WFIKKN2: variants seen among roughly 807,000 people sequenced by gnomAD.
WFIKKN2 encodes WAP, Kazal, immunoglobulin, Kunitz and NTR domain-containing protein 2.
A neutral mutation model predicts 39.2 loss-of-function variants in WFIKKN2; 25 were observed. The ratio of observed to expected loss-of-function variants is 0.64; its 90% CI spans 0.47 to 0.89. The LOEUF (loss-of-function observed/expected upper bound fraction) is 0.89. Among genes scored for constraint, WFIKKN2 ranks in the 40% least tolerant of loss-of-function variants. The pLI is 0.00. For synonymous variants in WFIKKN2, 345 were observed against 329.7 expected, an observed-to-expected ratio of 1.05 and a Z score of -0.50; for missense variants, 770 against 811.7, an observed-to-expected ratio of 0.95 and a Z score of 0.62.
chr17:50,835,907 G>T lies in WFIKKN2; in HGVS notation c.-31G>T. The T allele has an allele frequency of 6.3e-7, 1 of 1,599,328 alleles. No individual in the cohort carries two copies. Among genetic ancestry groups the T allele is most frequent in the Non-Finnish European group, 8.5e-7 (1 of 1,171,530 alleles). On this transcript the variant is annotated 5_prime_UTR_variant, in exon 1 of 2. The change creates a new upstream start codon in the 5' untranslated region. Transcript: ENST00000311378. ...GGCCCCAGACCCTGGCATCGTTTCAGGGGAGGTCTCTAGCCGCCCCAGCCT... is the reference window on the plus strand; with the variant it reads ...GGCCCCAGACCCTGGCATCGTTTCATGGGAGGTCTCTAGCCGCCCCAGCCT...
Position 50,835,716 on chromosome 17 carries a change from C to T in WFIKKN2, c.-222C>T, listed in dbSNP as rs1480708971. ...CTCCCTGCACACTCAGGAGAGGGAG[C>T]TTCCTTCTAAAGACCTTTCTTTTAT... On this transcript the variant is annotated 5_prime_UTR_variant, in exon 1 of 2. Coordinates refer to ENST00000311378, the MANE Select transcript of WFIKKN2 (RefSeq NM_175575.6). 3 of 577,404 alleles carry T rather than the reference C, an allele frequency of 5.2e-6. No individual in the cohort carries two copies. Among genetic ancestry groups the T allele is most frequent in the Non-Finnish European group, 9.1e-6 (3 of 330,320 alleles). 35.8% of individuals were successfully genotyped at this position (577,404 alleles called of 1,614,324 possible).
chr17:50,839,553 G>A lies in WFIKKN2; in HGVS notation c.265G>A (p.Val89Met), dbSNP rs796276301. ...CPNVCGTKSC[V>M]AARYMDVKGK... is the part of the protein sequence containing the mutation. ...CAACGTATGTGGGACCAAGAGCTGC[G>A]TGGCGGCCCGCTACATGGACGTGAA... is the stretch of plus-strand genomic sequence containing the variant. The change falls in exon 2 of 2, where the codon GTG becomes ATG. Residue 89 changes from valine (V) to methionine (M), a missense_variant. Val to Met is a conservative substitution (Grantham distance 21, BLOSUM62 1). Transcript: ENST00000311378. 7 of 1,614,140 alleles carry A rather than the reference G, an allele frequency of 4.3e-6. No individual in the cohort carries two copies. Among genetic ancestry groups the A allele is most frequent in the East Asian group, 2.2e-5 (1 of 44,870 alleles).
Position 50,840,367 on chromosome 17 carries a change from A to G in WFIKKN2, c.1079A>G (p.His360Arg). 1.2e-6 allele frequency: 2 copies of G among 1,614,116 alleles called. No individual in the cohort carries two copies. Among genetic ancestry groups the G allele is most frequent in the South Asian group, 1.1e-5 (1 of 91,086 alleles). The change falls in exon 2 of 2, where the codon CAC becomes CGC. Residue 360 changes from histidine (H) to arginine (R), a missense_variant. Physicochemically the swap from His to Arg is conservative, Grantham distance 29. Transcript: ENST00000311378. Reference protein sequence around the residue: ...ANNCLTFTFGHCHRNLNHFET... With the variant: ...ANNCLTFTFGRCHRNLNHFET... ...AACTGCCTGACCTTCACCTTCGGCC[A>G]CTGCCACCGTAACCTCAACCACTTT...
At position 50,839,942 on chromosome 17, in the gene WFIKKN2, C is replaced by G; in HGVS notation, c.654C>G (p.His218Gln). 2 of 1,614,166 alleles carry G rather than the reference C, an allele frequency of 1.2e-6. No homozygotes were observed. Among genetic ancestry groups the G allele is most frequent in the Non-Finnish European group, 1.7e-6 (2 of 1,179,990 alleles). Residue 218 changes from histidine (H) to glutamine (Q), a missense_variant, in exon 2 of 2, where the codon CAC becomes CAG. By Grantham distance (24) the His-to-Gln change is conservative. Transcript: ENST00000311378. The part of the protein sequence containing the change: ...AAPALLNNPV[H>Q]QSVTMGETVS... ...CTGCGCTGCTCAACAACCCTGTGCACCAGTCGGTCACCATGGGTGAGACAG... is the reference window on the plus strand; with the variant it reads ...CTGCGCTGCTCAACAACCCTGTGCAGCAGTCGGTCACCATGGGTGAGACAG...
rs1392063315 is a variant in WFIKKN2 at position 50,840,986 on chromosome 17, T to A, written c.1698T>A (p.Cys566Ter). 3.2e-6 allele frequency: 5 copies of A among 1,550,282 alleles called. No homozygotes were observed. Among genetic ancestry groups the A allele is most frequent in the Non-Finnish European group, 3.5e-6 (4 of 1,146,360 alleles). ...GTGAGGTCATGCACAAGAAGACCTG[T>A]GACGTCCTCAAGGAGTTTCTTGGCT... Reference protein sequence around the residue: ...KLREVMHKKTCDVLKEFLGLH With the variant: ...KLREVMHKKT Residue 566 changes from cysteine (C) to a stop codon, truncating the protein, a stop_gained, in exon 2 of 2, where the codon TGT becomes TGA. Coordinates refer to ENST00000311378, the MANE Select transcript of WFIKKN2 (RefSeq NM_175575.6). LOFTEE classifies it high-confidence loss of function.
At chr17:50,839,386 C>A in intron 1 of WFIKKN2, 113 bp from the exon 2 acceptor site, 1 of 994,962 alleles carries the variant, frequency 1.0e-6, no homozygotes, top group Non-Finnish European at 1.5e-6. Flanking sequence ...TGTTTTGCTC[C>A]CACTAGATGG....
chr17:50,838,646 C>G (rs1004837983), intron 1 of WFIKKN2, among the ~76,000 whole-genome samples: 4 of 152,238 alleles, frequency 2.6e-5, no homozygotes, highest in African/African-American at 9.7e-5. Flanking sequence ...GACGGCCTTG[C>G]TGACCTTTGC....
In WFIKKN2 at chr17:50,835,950, A is replaced by G; in HGVS notation, c.13A>G (p.Arg5Gly). Reference protein sequence around the residue: MWAPRCRRFWSRWEQ... With the variant: MWAPGCRRFWSRWEQ... The stretch of plus-strand genomic sequence containing the variant: ...CCCAGCCTGCACCATGTGGGCCCCA[A>G]GGTGTCGCCGGTTCTGGTCTCGCTG... The change falls in exon 1 of 2, where the codon AGG becomes GGG. Residue 5 changes from arginine to glycine, a missense_variant. By Grantham distance (125) the Arg-to-Gly change is moderately radical. Transcript: ENST00000311378. 1 of 1,610,756 alleles carries G rather than the reference A, an allele frequency of 6.2e-7. No homozygotes were observed. The highest frequency in any genetic ancestry group is 8.5e-7 in the Non-Finnish European group (1 of 1,178,796).
At chr17:50,837,071 G>A (rs953577455) in intron 1 of WFIKKN2, among the ~76,000 whole-genome samples, 3 of 152,340 alleles carry the variant, frequency 2.0e-5, no homozygotes, top group East Asian at 1.9e-4. Context: ...GCACCGTGCC[G>A]GGCACGTCGT....
chr17:50,840,103 T>TG lies in WFIKKN2; in HGVS notation c.817dup (p.Val273GlyfsTer4), dbSNP rs1477322996. 6.2e-7 allele frequency: 1 copy of TG among 1,614,130 alleles called. No homozygotes were observed. The highest frequency in any genetic ancestry group is 8.5e-7 in the Non-Finnish European group (1 of 1,180,004). ...GTGGTGGTCACCAACATTGCCCAGC[T>TG]GGTCATCTATAACGCCCAGCTGCAG... On this transcript the variant is annotated frameshift_variant, in exon 2 of 2. Coordinates refer to ENST00000311378, the MANE Select transcript of WFIKKN2 (RefSeq NM_175575.6). LOFTEE classifies it high-confidence loss of function.
upstream of WFIKKN2, chr17:50,835,426 C>G (rs1306991122): frequency 6.5e-6 from 1 of 153,636 alleles, no homozygotes; most frequent in Non-Finnish European, 1.4e-5. Context: ...CAGCTCCCCG[C>G]AAAGCACATG....
In WFIKKN2 at chr17:50,839,540, G is replaced by A. The variant is rs546675027; in HGVS notation, c.252G>A (p.Gly84=). Residue 84 remains glycine (G), a synonymous_variant, in exon 2 of 2, where the codon GGG becomes GGA. Transcript: ENST00000311378. Reference sequence around the variant, plus strand: ...AGAAGTGCTGCCCCAACGTATGTGGGACCAAGAGCTGCGTGGCGGCCCGCT... The same window carrying A: ...AGAAGTGCTGCCCCAACGTATGTGGAACCAAGAGCTGCGTGGCGGCCCGCT... ...TYEKCCPNVC[G]TKSCVAARYM... is the part of the protein sequence containing the mutation. The A allele has an allele frequency of 6.2e-7, 1 of 1,614,096 alleles. No homozygotes were observed. The highest frequency in any genetic ancestry group is 1.3e-5 in the African/African-American group (1 of 75,030).
At chr17:50,838,027 G>A (rs1971981759) in intron 1 of WFIKKN2, among the ~76,000 whole-genome samples, 1 of 152,166 alleles carries the variant, frequency 6.6e-6, no homozygotes, top group Admixed American at 6.5e-5. Context: ...GTGGCCAGAA[G>A]TACCTTCCCT....
At position 50,840,180 on chromosome 17, in the gene WFIKKN2, G is replaced by T. The variant is rs772752734; in HGVS notation, c.892G>T (p.Ala298Ser). 3.7e-6 allele frequency: 6 copies of T among 1,613,892 alleles called. No individual in the cohort carries two copies. The highest frequency in any genetic ancestry group is 1.3e-5 in the African/African-American group (1 of 75,062). ...CCGGAACGTGGCTGGGGTCCTGAGG[G>T]CTGATTTCCCGCTGTCGGTGGTCAG... ...TARNVAGVLR[A>S]DFPLSVVRGH... Residue 298 changes from alanine (A) to serine (S), a missense_variant, in exon 2 of 2, where the codon GCT becomes TCT. Physicochemically the swap from Ala to Ser is moderately conservative, Grantham distance 99. Coordinates refer to ENST00000311378, the MANE Select transcript of WFIKKN2 (RefSeq NM_175575.6).
In WFIKKN2 at chr17:50,841,052, C is replaced by T. The variant is rs1291155166; in HGVS notation, c.*33C>T. 2.0e-6 allele frequency: 3 copies of T among 1,506,122 alleles called. No individual in the cohort carries two copies. The highest frequency in any genetic ancestry group is 2.7e-6 in the Non-Finnish European group (3 of 1,128,176). 93.3% of individuals were successfully genotyped at this position (1,506,122 alleles called of 1,614,324 possible). On this transcript the variant is annotated 3_prime_UTR_variant, in exon 2 of 2. Coordinates refer to ENST00000311378, the MANE Select transcript of WFIKKN2 (RefSeq NM_175575.6). ...CACCCCTCCCTGCCCCCTCCCTGGC[C>T]TTCTTCCACCTATCCACCCCAATGC...
chr17:50,835,688 C>CCT lies in WFIKKN2; in HGVS notation c.-246_-245dup. 1.9e-6 allele frequency: 1 copy of CCT among 516,524 alleles called. No individual in the cohort carries two copies. Among genetic ancestry groups the CCT allele is most frequent in the South Asian group, 3.2e-5 (1 of 31,228 alleles). The allele number at this position is 516,524 out of a possible 1,614,324, so 32.0% of individuals were successfully genotyped here. A position where few individuals can be genotyped will look rare whatever the true frequency, so the allele number is the denominator to read the frequency against. ...CCGGGCGCGGGCCCCTGCTGTGGCT[C>CCT]CTCTCCCTGCACACTCAGGAGAGGG... On this transcript the variant is annotated 5_prime_UTR_variant, in exon 1 of 2. Transcript: ENST00000311378.
intron 1 of WFIKKN2, 24 bp from the exon 2 acceptor site, chr17:50,839,474 AG>A: frequency 6.3e-7 from 1 of 1,593,312 alleles, no homozygotes; most frequent in Admixed American, 1.7e-5. Flanking sequence ...CTCCCTGTTC[AG>A]GCCACTCTCT....
At chr17:50,839,105 T>G (rs940512814) in intron 1 of WFIKKN2, among the ~76,000 whole-genome samples, 5 of 152,084 alleles carry the variant, frequency 3.3e-5, no homozygotes, top group South Asian at 2.1e-4. Flanking sequence ...GCATCACCTC[T>G]CTGAGTCTCT....
At chr17:50,838,255 G>A (rs867472992) in intron 1 of WFIKKN2, among the ~76,000 whole-genome samples, 1 of 152,130 alleles carries the variant, frequency 6.6e-6, no homozygotes, top group African/African-American at 2.4e-5. Context: ...TGCCAAACAA[G>A]GGCTGCAAAA....
Sources: allele counts gnomAD v4.1 joint callset (sites outside exome capture counted in the v4.1 genomes callset), GRCh38; gene constraint gnomAD v4.1.1; transcripts MANE v1.5; gene names NCBI Gene and HGNC (gene_info 2026-07-23, HGNC 2026-07-21).